SLC24A3: variants seen among roughly 807,000 people sequenced by gnomAD.
SLC24A3 encodes the protein solute carrier family 24 member 3.
In SLC24A3, 28 loss-of-function variants were observed where a neutral mutation model predicts 75.8. The observed-to-expected ratio is 0.37, with a 90% CI of 0.27 to 0.51. The LOEUF (loss-of-function observed/expected upper bound fraction) is 0.51. Ranked by LOEUF, SLC24A3 falls within the 20% of genes least tolerant of loss-of-function variation. SLC24A3 has a pLI of 0.94. For synonymous variants in SLC24A3, 372 were observed against 334.1 expected, an observed-to-expected ratio of 1.11 and a Z score of -1.24; for missense variants, 663 against 847.8, an observed-to-expected ratio of 0.78 and a Z score of 2.71.
intron 2 of SLC24A3, among the ~76,000 whole-genome samples, chr20:19,513,587 C>T (rs1367493553): frequency 6.6e-6 from 1 of 152,148 alleles, no homozygotes; most frequent in Non-Finnish European, 1.5e-5. Flanking sequence ...GGGCTCTGTG[C>T]AGCCTGTTTA....
At chr20:19,232,853 C>T (rs758640076) in intron 1 of SLC24A3, among the ~76,000 whole-genome samples, 5 of 152,290 alleles carry the variant, frequency 3.3e-5, no homozygotes, top group Admixed American at 6.5e-5. Context: ...GAAACTCATT[C>T]CTCATCAGAA....
At chr20:19,271,752 T>C (rs962750451) in intron 1 of SLC24A3, among the ~76,000 whole-genome samples, 10 of 152,124 alleles carry the variant, frequency 6.6e-5, no homozygotes, top group Admixed American at 6.5e-5. Flanking sequence ...AACCAAACAT[T>C]GTATGTTCCC....
At chr20:19,376,725 A>C (rs1986089540) in intron 2 of SLC24A3, among the ~76,000 whole-genome samples, 1 of 152,004 alleles carries the variant, frequency 6.6e-6, no homozygotes, top group South Asian at 2.1e-4. Flanking sequence ...TTTGTCTGAG[A>C]TAAAACTTCC....
chr20:19,459,036 C>A (rs1600237918), intron 2 of SLC24A3, among the ~76,000 whole-genome samples: 2 of 152,244 alleles, frequency 1.3e-5, no homozygotes, highest in East Asian at 3.9e-4. Flanking sequence ...CCCCCTCCAA[C>A]ATGAGCCCTG....
intron 8 of SLC24A3, among the ~76,000 whole-genome samples, chr20:19,667,960 A>T (rs530167386): frequency 6.6e-6 from 1 of 152,292 alleles, no homozygotes; most frequent in Admixed American, 6.5e-5. Context: ...TCATCCAATT[A>T]TGAGTAAGAG....
intron 6 of SLC24A3, among the ~76,000 whole-genome samples, chr20:19,608,875 T>C (rs1440165309): frequency 2.0e-5 from 3 of 152,198 alleles, no homozygotes; most frequent in African/African-American, 7.2e-5. Context: ...ATTCATTACA[T>C]AAGCCAATTT....
At chr20:19,235,422 C>T (rs1778452398) in intron 1 of SLC24A3, among the ~76,000 whole-genome samples, 1 of 152,184 alleles carries the variant, frequency 6.6e-6, no homozygotes, top group Non-Finnish European at 1.5e-5. Flanking sequence ...TAATCTAAAG[C>T]AAAACTCATG....
chr20:19,517,991 G>A (rs2122560871), intron 3 of SLC24A3, among the ~76,000 whole-genome samples: 1 of 152,296 alleles, frequency 6.6e-6, no homozygotes, highest in South Asian at 2.1e-4. Flanking sequence ...CCCCAATAAA[G>A]AAGCCCCTTC....
chr20:19,413,704 C>T (rs888174308), intron 2 of SLC24A3, among the ~76,000 whole-genome samples: 1 of 152,170 alleles, frequency 6.6e-6, no homozygotes, highest in African/African-American at 2.4e-5. Flanking sequence ...AAAAACATGT[C>T]TCTATGACAT....
At chr20:19,248,804 G>A (rs911873313) in intron 1 of SLC24A3, among the ~76,000 whole-genome samples, 1 of 151,836 alleles carries the variant, frequency 6.6e-6, no homozygotes, top group Non-Finnish European at 1.5e-5. Context: ...ATACAATGGA[G>A]TACTGTTCAG....
intron 6 of SLC24A3, among the ~76,000 whole-genome samples, chr20:19,610,065 A>G (rs558062051): frequency 2.6e-5 from 4 of 152,174 alleles, no homozygotes; most frequent in Admixed American, 1.3e-4. Flanking sequence ...ACAGTCCATC[A>G]CCCCAATTCC....
At chr20:19,440,702 A>G (rs1449610366) in intron 2 of SLC24A3, among the ~76,000 whole-genome samples, 5 of 142,770 alleles carry the variant, frequency 3.5e-5, no homozygotes, top group African/African-American at 1.3e-4. Context: ...GAATGAATTT[A>G]GTAGAATTTC....
chr20:19,642,945 C>T (rs192443472), intron 6 of SLC24A3, among the ~76,000 whole-genome samples: 2 of 152,230 alleles, frequency 1.3e-5, no homozygotes, highest in East Asian at 3.9e-4. Context: ...CTTCCAAGCA[C>T]ACATTAAAGA....
At chr20:19,605,879 A>C (rs533255123) in intron 6 of SLC24A3, among the ~76,000 whole-genome samples, 68 of 152,316 alleles carry the variant, frequency 4.5e-4, no homozygotes, top group African/African-American at 1.6e-3. Context: ...GGAAGGGAAG[A>C]GGCTACACCT....
chr20:19,708,174 G>A (rs2032949957), intron 15 of SLC24A3, among the ~76,000 whole-genome samples: 1 of 152,044 alleles, frequency 6.6e-6, no homozygotes. Context: ...CTTCTTCTAA[G>A]GCCAGCGCTT....
intron 3 of SLC24A3, among the ~76,000 whole-genome samples, chr20:19,565,431 A>T (rs552843813): frequency 7.4e-4 from 113 of 151,694 alleles, no homozygotes; most frequent in Non-Finnish European, 1.2e-3. Context: ...ATAACCAATG[A>T]TTGATTGGTA....
intron 1 of SLC24A3, among the ~76,000 whole-genome samples, chr20:19,237,188 C>G (rs551688458): frequency 2.0e-5 from 3 of 152,276 alleles, no homozygotes; most frequent in South Asian, 2.1e-4. Context: ...CATCCATTTT[C>G]CTTTCCTTCT....
intron 6 of SLC24A3, among the ~76,000 whole-genome samples, chr20:19,601,108 T>C (rs1007166451): frequency 5.3e-5 from 8 of 152,214 alleles, no homozygotes; most frequent in African/African-American, 1.9e-4. Flanking sequence ...AATAATAATA[T>C]CTACCTAATA....
chr20:19,655,566 T>C (rs928742187), intron 7 of SLC24A3, among the ~76,000 whole-genome samples: 8 of 152,142 alleles, frequency 5.3e-5, no homozygotes, highest in Non-Finnish European at 1.0e-4. Flanking sequence ...GTGAGAGTGC[T>C]TTTCAGAGGA....
Sources: allele counts gnomAD v4.1 joint callset (sites outside exome capture counted in the v4.1 genomes callset), GRCh38; gene constraint gnomAD v4.1.1; transcripts MANE v1.5; gene names NCBI Gene and HGNC (gene_info 2026-07-23, HGNC 2026-07-21).